EPN1: variants seen among roughly 807,000 people sequenced by gnomAD.
EPN1 encodes epsin 1.
A neutral mutation model predicts 56.9 loss-of-function variants in EPN1; 25 were observed. The observed-to-expected ratio is 0.44, with a 90% CI of 0.32 to 0.61. The LOEUF (loss-of-function observed/expected upper bound fraction) is 0.61. Among genes scored for constraint, EPN1 ranks in the 20% least tolerant of loss-of-function variants. The pLI is 0.05. For missense variants in EPN1, 785 were observed against 823.7 expected, an observed-to-expected ratio of 0.95 and a Z score of 0.58; for synonymous variants, 411 against 361.8, an observed-to-expected ratio of 1.14 and a Z score of -1.54.
At chr19:55,686,170 C>T (rs892055095) in intron 3 of EPN1, among the ~76,000 whole-genome samples, 2 of 152,198 alleles carry the variant, frequency 1.3e-5, no homozygotes, top group African/African-American at 4.8e-5. Flanking sequence ...GGGTGGTGAC[C>T]AGCACCGAAA....
In EPN1 at chr19:55,709,225, T is replaced by G; in HGVS notation, c.*13869T>G. On this transcript the variant is annotated 3_prime_UTR_variant, in exon 11 of 11. Transcript: ENST00000270460. ...CCTATAGGATAGGAAGCCTCTGATT[T>G]ATACCATAAAGTGAAATTTCATATA... 1 of 427,736 alleles carries G rather than the reference T, an allele frequency of 2.3e-6. No homozygotes were observed. Among genetic ancestry groups the G allele is most frequent in the Non-Finnish European group, 4.1e-6 (1 of 245,222 alleles). The allele number at this position is 427,736 out of a possible 1,614,324, so 26.5% of individuals were successfully genotyped here.
chr19:55,692,913 C>G, intron 8 of EPN1, 38 bp from the exon 9 acceptor site: 1 of 1,610,618 alleles, frequency 6.2e-7, no homozygotes, highest in East Asian at 2.2e-5. Context: ...GAGGCGGGGC[C>G]CCAGGGAGGG....
intron 1 of EPN1, chr19:55,676,953 T>G: frequency 5.3e-6 from 3 of 565,516 alleles, no homozygotes; most frequent in East Asian, 6.1e-5. Context: ...CTTCTCTGCA[T>G]TTGTTACATC....
rs184026465 is a variant in EPN1, at chr19:55,678,523, G to A, written c.-101-4G>A. On this transcript the variant is annotated splice_polypyrimidine_tract_variant and splice_region_variant and intron_variant, in intron 1 of 10. Transcript: ENST00000270460. ...TGTTTCCAGAGGTCCTCTTCCCCTC[G>A]CAGATGCGGTGACCTGCCAGCACCT... 1.1e-5 allele frequency: 17 copies of A among 1,538,800 alleles called. No homozygotes were observed. The highest frequency in any genetic ancestry group is 1.7e-4 in the Middle Eastern group (1 of 5,990).
rs1316498321 is a variant in EPN1 at position 55,701,715 on chromosome 19, G to A, written c.*6359G>A. The A allele has an allele frequency of 2.0e-5, 3 of 152,124 alleles. No homozygotes were observed. The highest frequency in any genetic ancestry group is 2.9e-5 in the Non-Finnish European group (2 of 68,044). The allele number at this position is 152,124 out of a possible 1,614,324, so 9.4% of individuals were successfully genotyped here. A position where few individuals can be genotyped will look rare whatever the true frequency, so the allele number is the denominator to read the frequency against. On this transcript the variant is annotated 3_prime_UTR_variant, in exon 11 of 11. Coordinates refer to ENST00000270460, the MANE Select transcript of EPN1 (RefSeq NM_001130072.2). ...TAAGGTTTTTGGTCTCACAGCCGAG[G>A]AAATCAAGGATGTGGATGCACACAG...
At position 55,703,889 on chromosome 19, in the gene EPN1, C is replaced by A. The variant is rs1473850971; in HGVS notation, c.*8533C>A. ...CGCTCCCCTGCGTTTCGGCTGCTGG[C>A]CCAGCAGAGGGCGCCGGAGAGCGGA... On this transcript the variant is annotated 3_prime_UTR_variant, in exon 11 of 11. Coordinates refer to ENST00000270460, the MANE Select transcript of EPN1 (RefSeq NM_001130072.2). The A allele has an allele frequency of 6.6e-6, 1 of 152,226 alleles. No individual in the cohort carries two copies. The highest frequency in any genetic ancestry group is 1.5e-5 in the Non-Finnish European group (1 of 68,048). 9.4% of individuals were successfully genotyped at this position (152,226 alleles called of 1,614,324 possible). A position where few individuals can be genotyped will look rare whatever the true frequency, so the allele number is the denominator to read the frequency against.
Position 55,708,835 on chromosome 19 carries a change from G to C in EPN1, c.*13479G>C. ...CCTGCTGCCATGATGTGCAATTACA[G>C]GATAGAGGTGCCAGGTGAAGGTCCC... On this transcript the variant is annotated 3_prime_UTR_variant, in exon 11 of 11. Transcript: ENST00000270460. The C allele has an allele frequency of 9.9e-7, 1 of 1,013,306 alleles. No individual in the cohort carries two copies. The highest frequency in any genetic ancestry group is 2.9e-5 in the Admixed American group (1 of 34,730). The allele number at this position is 1,013,306 out of a possible 1,614,324, so 62.8% of individuals were successfully genotyped here.
intron 1 of EPN1, among the ~76,000 whole-genome samples, chr19:55,678,008 A>G (rs1302223431): frequency 6.6e-6 from 1 of 152,220 alleles, no homozygotes; most frequent in African/African-American, 2.4e-5. Flanking sequence ...ATATAAAATC[A>G]TGAGGGAGAC....
chr19:55,693,865 G>A (rs73613291), intron 9 of EPN1, among the ~76,000 whole-genome samples: 2,516 of 151,972 alleles, frequency 0.017, 80 homozygotes, highest in African/African-American at 0.057. Context: ...GCCCTTTTTT[G>A]TCCCATACAA....
At position 55,708,964 on chromosome 19, in the gene EPN1, G is replaced by GA; in HGVS notation, c.*13611dup. On this transcript the variant is annotated 3_prime_UTR_variant, in exon 11 of 11. Transcript: ENST00000270460. ...TTCCTCGTCAATCCAAGGTCCATGT[G>GA]AAATGGTCAGATGGGGAATTTTTTC... is the stretch of plus-strand genomic sequence containing the variant. The GA allele has an allele frequency of 6.3e-7, 1 of 1,589,790 alleles. No individual in the cohort carries two copies. The highest frequency in any genetic ancestry group is 8.5e-7 in the Non-Finnish European group (1 of 1,170,948).
Position 55,707,516 on chromosome 19 carries a change from G to C in EPN1, c.*12160G>C, listed in dbSNP as rs1987483883. On this transcript the variant is annotated 3_prime_UTR_variant, in exon 11 of 11. Transcript: ENST00000270460. The stretch of plus-strand genomic sequence containing the variant: ...AACTTTCCAAGATGAAAAGCTAAGA[G>C]TGCTGATCTCATCACAGACATAGCC... 6.5e-6 allele frequency: 1 copy of C among 153,662 alleles called. No individual in the cohort carries two copies. The highest frequency in any genetic ancestry group is 6.5e-5 in the Admixed American group (1 of 15,290). 9.5% of individuals were successfully genotyped at this position (153,662 alleles called of 1,614,324 possible).
chr19:55,685,698 GCGGCTCC>G, intron 3 of EPN1, 53 bp downstream of exon 3: 1 of 1,539,262 alleles, frequency 6.5e-7, no homozygotes, highest in African/African-American at 1.4e-5. Flanking sequence ...TCCGCCTACT[GCGGCTCC>G]CGGCACCCGG....
chr19:55,689,289 T>G lies in EPN1; in HGVS notation c.604-8T>G. The G allele has an allele frequency of 6.5e-7, 1 of 1,542,194 alleles. No homozygotes were observed. Among genetic ancestry groups the G allele is most frequent in the Non-Finnish European group, 8.8e-7 (1 of 1,141,536 alleles). On this transcript the variant is annotated splice_region_variant and splice_polypyrimidine_tract_variant and intron_variant, in intron 4 of 10. Transcript: ENST00000270460. This position sits in a 1 kb window ranked among gnomAD's most constrained non-coding sequence, Gnocchi z 5.7. ...CCCGTCATGCCCCTCACACTCTCTCTCCCCCAGCCCCCGTCCTGCGGCCCC... is the reference window on the plus strand; with the variant it reads ...CCCGTCATGCCCCTCACACTCTCTCGCCCCCAGCCCCCGTCCTGCGGCCCC...
rs1257696280 is a variant in EPN1 at position 55,695,755 on chromosome 19, C to T, written c.*399C>T. 1.1e-5 allele frequency: 2 copies of T among 184,628 alleles called. No homozygotes were observed. Among genetic ancestry groups the T allele is most frequent in the Non-Finnish European group, 2.2e-5 (2 of 89,198 alleles). 11.4% of individuals were successfully genotyped at this position (184,628 alleles called of 1,614,324 possible). A position where few individuals can be genotyped will look rare whatever the true frequency, so the allele number is the denominator to read the frequency against. ...AACTTTGGGAATAAATGGCAATTCC[C>T]ACGGGCTTGGCACTCCCAGATTCCC... On this transcript the variant is annotated 3_prime_UTR_variant, in exon 11 of 11. Coordinates refer to ENST00000270460, the MANE Select transcript of EPN1 (RefSeq NM_001130072.2). The surrounding 1 kb of genome is among the most constrained non-coding windows in gnomAD (Gnocchi z 4.4).
Position 55,694,643 on chromosome 19 carries a change from C to G in EPN1, c.1265-83C>G. On this transcript the variant is annotated intron_variant, in intron 9 of 10. Transcript: ENST00000270460. The surrounding 1 kb of genome is among the most constrained non-coding windows in gnomAD (Gnocchi z 4.2). ...CTGGGCACCGGGCTCTTTGAAGCGC[C>G]CCCTATGATGGCCTATACTGCTCCC... The G allele has an allele frequency of 6.9e-7, 1 of 1,454,944 alleles. No homozygotes were observed. The highest frequency in any genetic ancestry group is 1.6e-5 in the South Asian group (1 of 64,476). The allele number at this position is 1,454,944 out of a possible 1,614,324, so 90.1% of individuals were successfully genotyped here.
rs1033667700 is a variant in EPN1 at position 55,707,868 on chromosome 19, G to A, written c.*12512G>A. Reference sequence around the variant, plus strand: ...TAAACTCGTGTTTACAGGTCTTAAAGTCCTGACCTGGTGATCCGCCCGCGT... The same window carrying A: ...TAAACTCGTGTTTACAGGTCTTAAAATCCTGACCTGGTGATCCGCCCGCGT... On this transcript the variant is annotated 3_prime_UTR_variant, in exon 11 of 11. Coordinates refer to ENST00000270460, the MANE Select transcript of EPN1 (RefSeq NM_001130072.2). 2.6e-5 allele frequency: 4 copies of A among 154,350 alleles called. No individual in the cohort carries two copies. The highest frequency in any genetic ancestry group is 4.4e-5 in the Non-Finnish European group (3 of 68,252). 9.6% of individuals were successfully genotyped at this position (154,350 alleles called of 1,614,324 possible).
In EPN1 at chr19:55,689,997, C is replaced by A. The variant is rs1255132226; in HGVS notation, c.762+47C>A. ...CTCCCTGGCCCCTGCAGGTGTCCGT[C>A]CGTCCCATCGCTCATTCCTGCGTGG... On this transcript the variant is annotated intron_variant, in intron 6 of 10. Transcript: ENST00000270460. This position sits in a 1 kb window ranked among gnomAD's most constrained non-coding sequence, Gnocchi z 5.7. The A allele has an allele frequency of 1.3e-6, 2 of 1,515,168 alleles. No homozygotes were observed. Among genetic ancestry groups the A allele is most frequent in the South Asian group, 2.5e-5 (2 of 80,702 alleles). The allele number at this position is 1,515,168 out of a possible 1,614,324, so 93.9% of individuals were successfully genotyped here. A position where few individuals can be genotyped will look rare whatever the true frequency, so the allele number is the denominator to read the frequency against.
At position 55,697,709 on chromosome 19, in the gene EPN1, A is replaced by C. The variant is rs1197604051; in HGVS notation, c.*2353A>C. 3 of 152,154 alleles carry C rather than the reference A, an allele frequency of 2.0e-5. No homozygotes were observed. Among genetic ancestry groups the C allele is most frequent in the African/African-American group, 7.2e-5 (3 of 41,426 alleles). 9.4% of individuals were successfully genotyped at this position (152,154 alleles called of 1,614,324 possible). A position where few individuals can be genotyped will look rare whatever the true frequency, so the allele number is the denominator to read the frequency against. ...CTCCTACTTTATTCCTCTTTCTAGA[A>C]TATTCCAGCCACCAAAGTGCTCAGC... On this transcript the variant is annotated 3_prime_UTR_variant, in exon 11 of 11. Coordinates refer to ENST00000270460, the MANE Select transcript of EPN1 (RefSeq NM_001130072.2).
rs541894801 is a variant in EPN1, at chr19:55,684,104, A to G, written c.229-1292A>G. Among the ~76,000 whole-genome samples the G allele has an allele frequency of 2.1e-4, 32 of 152,290 alleles. No homozygotes were observed. The South Asian group carries it at 4.6e-3, about 22-fold the overall frequency. ...CGTGTAAATACCTTGAGGGCCGGTT[A>G]AAGACTAATCTCTGATTACACTGTA... On this transcript the variant is annotated intron_variant, in intron 2 of 10. Coordinates refer to ENST00000270460, the MANE Select transcript of EPN1 (RefSeq NM_001130072.2).
Sources: allele counts gnomAD v4.1 joint callset (sites outside exome capture counted in the v4.1 genomes callset), GRCh38; gene constraint gnomAD v4.1.1; non-coding constraint Gnocchi (gnomAD v3.1); transcripts MANE v1.5; gene names NCBI Gene and HGNC (gene_info 2026-07-23, HGNC 2026-07-21).